The following DHX9 variants were observed in gnomAD, a reference collection of about 807,000 sequenced individuals.
DHX9 encodes the protein DExH-box helicase 9, also known as ATP-dependent RNA helicase A.
DHX9 carries 27 observed loss-of-function variants against 148.7 expected under a neutral mutation model. That is an observed-to-expected ratio of 0.18 (90% CI 0.13 to 0.25). The LOEUF is 0.25. Among genes scored for constraint, DHX9 ranks in the 10% least tolerant of loss-of-function variants. DHX9 has a pLI of 1.00. For missense variants in DHX9, 796 were observed against 1,559.6 expected (o/e 0.51, Z 8.25); for synonymous variants, 529 against 516.6 (o/e 1.02, Z -0.33).
At chr1:182,863,456 G>C (rs10494551) in intron 12 of DHX9, among the ~76,000 whole-genome samples, 1 of 151,898 alleles carries the variant, frequency 6.6e-6, no homozygotes, top group African/African-American at 2.4e-5. Flanking sequence ...TGTGTTCTTG[G>C]TTCTTATTTA....
Position 182,853,315 on chromosome 1 carries a change from C to G in DHX9, c.374C>G (p.Ser125Cys). The G allele has an allele frequency of 6.2e-7, 1 of 1,608,560 alleles. No individual in the cohort carries two copies. The highest frequency in any genetic ancestry group is 8.5e-7 in the Non-Finnish European group (1 of 1,178,092). ...TTTTTTCTTTTAACAGAAAATAATT[C>G]TGAGGTAGGGGCCTCTGGCTATGGT... is the stretch of plus-strand genomic sequence containing the variant. ...PHLALKAENN[S>C]EVGASGYGVP... The change falls in exon 5 of 28, where the codon TCT becomes TGT. Residue 125 changes from serine (S) to cysteine (C), a missense_variant. Ser to Cys is a moderately radical substitution (Grantham distance 112). Coordinates refer to ENST00000367549, the MANE Select transcript of DHX9 (RefSeq NM_001357.5).
intron 15 of DHX9, among the ~76,000 whole-genome samples, chr1:182,874,389 T>G (rs1648673701): frequency 6.6e-6 from 1 of 152,190 alleles, no homozygotes; most frequent in South Asian, 2.1e-4. Flanking sequence ...ATAAAGACAT[T>G]CTGGGGCCAT....
At chr1:182,855,987 GTCA>G (rs1343417255) in intron 6 of DHX9, among the ~76,000 whole-genome samples, 2 of 152,180 alleles carry the variant, frequency 1.3e-5, no homozygotes, top group Non-Finnish European at 2.9e-5. Flanking sequence ...TAAGTTTTTT[GTCA>G]TCCAGGGCTG....
intron 27 of DHX9, among the ~76,000 whole-genome samples, chr1:182,885,424 A>T (rs1297665775): frequency 6.6e-6 from 1 of 152,136 alleles, no homozygotes; most frequent in Non-Finnish European, 1.5e-5. Context: ...AGCATTTTGT[A>T]TTTGCTTAAT....
In DHX9 at chr1:182,879,426, A is replaced by G. The variant is rs949592035; in HGVS notation, c.2512+16A>G. 11 of 1,431,078 alleles carry G rather than the reference A, an allele frequency of 7.7e-6. No individual in the cohort carries two copies. Among genetic ancestry groups the G allele is most frequent in the Admixed American group, 4.3e-5 (2 of 46,078 alleles). 88.6% of individuals were successfully genotyped at this position (1,431,078 alleles called of 1,614,324 possible). A position where few individuals can be genotyped will look rare whatever the true frequency, so the allele number is the denominator to read the frequency against. On this transcript the variant is annotated intron_variant, in intron 21 of 27. Coordinates refer to ENST00000367549, the MANE Select transcript of DHX9 (RefSeq NM_001357.5). ...ACTCTTAGAGGTACTTACAAATACA[A>G]ACCTACTTGACGCAGATATTAATCA... is the stretch of plus-strand genomic sequence containing the variant.
intron 14 of DHX9, among the ~76,000 whole-genome samples, chr1:182,870,197 A>G (rs1648500103): frequency 6.6e-6 from 1 of 152,228 alleles, no homozygotes; most frequent in Non-Finnish European, 1.5e-5. Flanking sequence ...AAAAAAGACC[A>G]TGTTTATATG....
chr1:182,873,423 C>G (rs1381848106), intron 15 of DHX9, among the ~76,000 whole-genome samples: 2 of 152,154 alleles, frequency 1.3e-5, no homozygotes, highest in Non-Finnish European at 2.9e-5. Flanking sequence ...GCATGCTAAG[C>G]CAGTATAATT....
intron 14 of DHX9, among the ~76,000 whole-genome samples, chr1:182,868,541 T>C (rs1188380430): frequency 6.8e-6 from 1 of 147,072 alleles, no homozygotes; most frequent in African/African-American, 2.5e-5. Flanking sequence ...TTTTGAGGAG[T>C]CTTGCCCTTG....
In DHX9 at chr1:182,854,191, C is replaced by T. The variant is rs1317447178; in HGVS notation, c.626+13C>T. The T allele has an allele frequency of 1.9e-6, 3 of 1,576,492 alleles. No homozygotes were observed. Among genetic ancestry groups the T allele is most frequent in the African/African-American group, 1.4e-5 (1 of 73,686 alleles). On this transcript the variant is annotated intron_variant, in intron 6 of 27. Transcript: ENST00000367549. Reference sequence around the variant, plus strand: ...CTGATCACAACAGGTTTGCTTGTTTCATTCTTTTCCTTCTGTAGTAAGTTA... The same window carrying T: ...CTGATCACAACAGGTTTGCTTGTTTTATTCTTTTCCTTCTGTAGTAAGTTA...
intron 1 of DHX9, among the ~76,000 whole-genome samples, chr1:182,841,135 C>CA (rs1309741281): frequency 1.3e-5 from 2 of 151,866 alleles, no homozygotes; most frequent in African/African-American, 4.8e-5. Context: ...ACTAAAAATA[C>CA]AAAAAATTAG....
At chr1:182,872,037 C>T (rs1482351425) in intron 14 of DHX9, among the ~76,000 whole-genome samples, 1 of 152,172 alleles carries the variant, frequency 6.6e-6, no homozygotes, top group Non-Finnish European at 1.5e-5. Context: ...AACTCCCGAC[C>T]TCAGATTATC....
At position 182,843,389 on chromosome 1, in the gene DHX9, G is replaced by A. The variant is rs751690764; in HGVS notation, c.207G>A (p.Leu69=). The change falls in exon 3 of 28, where the codon TTG becomes TTA. Residue 69 remains leucine, a synonymous_variant. Coordinates refer to ENST00000367549, the MANE Select transcript of DHX9 (RefSeq NM_001357.5). ...SNAARDFVNY[L]VRINEIKSEE... ...CTGCCAGAGACTTTGTTAACTATTTGGTTCGAATAAATGAAATAAAGAGTG... is the reference window on the plus strand; with the variant it reads ...CTGCCAGAGACTTTGTTAACTATTTAGTTCGAATAAATGAAATAAAGAGTG... The A allele has an allele frequency of 1.4e-5, 22 of 1,607,032 alleles. No homozygotes were observed. The African/African-American group carries it at 2.7e-4, about 20-fold the overall frequency.
At chr1:182,860,315 A>C (rs1668337292) in intron 12 of DHX9, 131 bp downstream of exon 12, 3 of 777,794 alleles carry the variant, frequency 3.9e-6, no homozygotes, top group African/African-American at 3.6e-5. Flanking sequence ...TAAAAAAAGA[A>C]AACATAAAAA....
At chr1:182,852,424 G>A in intron 4 of DHX9, 80 bp downstream of exon 4, 3 of 1,049,170 alleles carry the variant, frequency 2.9e-6, no homozygotes, top group Non-Finnish European at 4.1e-6. Flanking sequence ...CTCGTTTTGG[G>A]TAGAAAGAAC....
Position 182,887,597 on chromosome 1 carries a change from T to C in DHX9, c.*163T>C. The C allele has an allele frequency of 1.6e-6, 1 of 606,212 alleles. No individual in the cohort carries two copies. The highest frequency in any genetic ancestry group is 2.3e-5 in the South Asian group (1 of 43,536). The allele number at this position is 606,212 out of a possible 1,614,324, so 37.6% of individuals were successfully genotyped here. A position where few individuals can be genotyped will look rare whatever the true frequency, so the allele number is the denominator to read the frequency against. ...AAGGAAACCAAGCATATAGATGCAT[T>C]AGTGATTTTGTTTATATTATGTAAA... On this transcript the variant is annotated 3_prime_UTR_variant, in exon 28 of 28. Coordinates refer to ENST00000367549, the MANE Select transcript of DHX9 (RefSeq NM_001357.5).
At chr1:182,883,813 A>G (rs919315346) in intron 26 of DHX9, among the ~76,000 whole-genome samples, 178 bp downstream of exon 26, 1 of 151,084 alleles carries the variant, frequency 6.6e-6, no homozygotes, top group Admixed American at 6.6e-5. Flanking sequence ...AGCCATGTCT[A>G]CCACTAGGCA....
intron 14 of DHX9, among the ~76,000 whole-genome samples, chr1:182,870,547 A>G (rs866852807): frequency 1.3e-5 from 2 of 152,222 alleles, no homozygotes; most frequent in African/African-American, 4.8e-5. Flanking sequence ...TTAGTGAGAA[A>G]GGGAATGAGC....
At chr1:182,854,956 C>G (rs896159078) in intron 6 of DHX9, among the ~76,000 whole-genome samples, 1 of 152,006 alleles carries the variant, frequency 6.6e-6, no homozygotes. Context: ...GTTTGCTGTC[C>G]GTACTTATGA....
At chr1:182,850,921 T>C (rs1205992921) in intron 3 of DHX9, among the ~76,000 whole-genome samples, 1 of 152,162 alleles carries the variant, frequency 6.6e-6, no homozygotes. Context: ...AGAAGTTACA[T>C]CAGACACCTC....
Sources: gnomAD v4.1 joint callset for allele counts (sites outside exome capture counted in the v4.1 genomes callset) on GRCh38, gnomAD v4.1.1 for gene constraint, MANE v1.5 for transcripts, NCBI Gene and HGNC (gene_info 2026-07-23, HGNC 2026-07-21) for gene names.